TMPRSS11F: variants seen among roughly 807,000 people sequenced by gnomAD.
TMPRSS11F encodes the protein transmembrane serine protease 11F.
Under a neutral mutation model 60.2 loss-of-function variants are expected in TMPRSS11F, and 47 were observed. The observed-to-expected ratio is 0.78, with a 90% CI of 0.62 to 1.00. The LOEUF (loss-of-function observed/expected upper bound fraction) is 1.00, where lower values mean the gene tolerates loss of function less well. TMPRSS11F is among the 50% of genes least tolerant of loss of function. The pLI, the probability that TMPRSS11F is intolerant of heterozygous loss-of-function variation, is 0.00. For missense variants in TMPRSS11F, 519 were observed against 522.9 expected (o/e 0.99, Z 0.07); for synonymous variants, 166 against 167.3 (o/e 0.99, Z 0.06).
At position 68,059,471 on chromosome 4, in the gene TMPRSS11F, A is replaced by G; in HGVS notation, c.1016-3T>C. On this transcript the variant is annotated splice_region_variant and splice_polypyrimidine_tract_variant and intron_variant, in intron 8 of 9. Transcript: ENST00000356291. ...CCGAAGTGTATTTTGTATAGGTCCT[A>G]TTGCACAAATGGATAAAAAAACAAA... 6.2e-7 allele frequency: 1 copy of G among 1,610,802 alleles called. No individual in the cohort carries two copies. Among genetic ancestry groups the G allele is most frequent in the South Asian group, 1.1e-5 (1 of 90,572 alleles).
At chr4:68,116,700 C>A (rs972854476) in intron 1 of TMPRSS11F, among the ~76,000 whole-genome samples, 2 of 151,982 alleles carry the variant, frequency 1.3e-5, no homozygotes, top group Admixed American at 6.6e-5. Context: ...TGCATCTATG[C>A]CAACTGATAT....
chr4:68,060,234 G>A (rs6842920), intron 8 of TMPRSS11F, among the ~76,000 whole-genome samples: 1 of 151,014 alleles, frequency 6.6e-6, no homozygotes, highest in African/African-American at 2.4e-5. Context: ...TTGGCCAGGC[G>A]TGGTGGCTCA....
Position 68,064,762 on chromosome 4 carries a change from C to CTATATTTG in TMPRSS11F, c.937_938insCAAATATA (p.Cys313SerfsTer10). 1.5e-5 allele frequency: 24 copies of CTATATTTG among 1,614,130 alleles called. No homozygotes were observed. The highest frequency in any genetic ancestry group is 2.0e-5 in the Non-Finnish European group (24 of 1,180,022). On this transcript the variant is annotated frameshift_variant, in exon 8 of 10. Coordinates refer to ENST00000356291, the MANE Select transcript of TMPRSS11F (RefSeq NM_207407.2). LOFTEE classifies it high-confidence loss of function. ...CAACTTTATAGATGAGTCTGGGAGG[C>CTATATTTG]AAACTCTCTGGACTATATTTGAAAA...
intron 3 of TMPRSS11F, among the ~76,000 whole-genome samples, chr4:68,082,650 T>G (rs937169159): frequency 1.3e-5 from 2 of 152,222 alleles, no homozygotes; most frequent in Admixed American, 1.3e-4. Context: ...TCCAACCCCA[T>G]GAGGCCAGAA....
At chr4:68,098,843 G>A (rs1171108919) in intron 2 of TMPRSS11F, 44 bp downstream of exon 2, 5 of 1,539,000 alleles carry the variant, frequency 3.2e-6, no homozygotes, top group Admixed American at 2.1e-5. Flanking sequence ...AAGATACGAA[G>A]TCATGGAGTA....
chr4:68,105,058 T>G (rs1348340880), intron 1 of TMPRSS11F, among the ~76,000 whole-genome samples: 1 of 144,776 alleles, frequency 6.9e-6, no homozygotes, highest in Non-Finnish European at 1.5e-5. Context: ...GGTTTTTTTT[T>G]TTTTTTTTTT....
At chr4:68,114,914 C>A (rs1179023779) in intron 1 of TMPRSS11F, among the ~76,000 whole-genome samples, 1 of 136,856 alleles carries the variant, frequency 7.3e-6, no homozygotes, top group Non-Finnish European at 1.6e-5. Context: ...AAAACAGAAA[C>A]AAAAACACTC....
chr4:68,058,124 T>G (rs1478936572), intron 9 of TMPRSS11F, among the ~76,000 whole-genome samples: 1 of 152,114 alleles, frequency 6.6e-6, no homozygotes, highest in Non-Finnish European at 1.5e-5. Context: ...GTGCAAAGTT[T>G]CAGTGAGAAG....
chr4:68,080,474 T>C (rs574035407), intron 3 of TMPRSS11F: 2 of 152,404 alleles, frequency 1.3e-5, no homozygotes, highest in African/African-American at 4.8e-5. Context: ...ACACCTGCAC[T>C]TCTCCAGAGA....
In TMPRSS11F at chr4:68,058,899, G is replaced by A. The variant is rs1190320331; in HGVS notation, c.1158+427C>T. Among the ~76,000 whole-genome samples, 4 of 152,116 alleles carry A rather than the reference G, an allele frequency of 2.6e-5. No individual in the cohort carries two copies. The East Asian group carries it at 7.7e-4, about 29-fold the overall frequency. ...GACTCTAAGAGGAGGGTCTGAGGTGGCTGAAGAGTATAGAAGATCACTGGA... is the reference window on the plus strand; with the variant it reads ...GACTCTAAGAGGAGGGTCTGAGGTGACTGAAGAGTATAGAAGATCACTGGA... On this transcript the variant is annotated intron_variant, in intron 9 of 9. Coordinates refer to ENST00000356291, the MANE Select transcript of TMPRSS11F (RefSeq NM_207407.2).
intron 1 of TMPRSS11F, among the ~76,000 whole-genome samples, chr4:68,123,147 T>C (rs1413018603): frequency 1.3e-5 from 2 of 152,220 alleles, no homozygotes; most frequent in African/African-American, 4.8e-5. Flanking sequence ...TTCTAAAAGC[T>C]GCTGTCAGTA....
intron 3 of TMPRSS11F, among the ~76,000 whole-genome samples, chr4:68,074,717 T>C (rs1040056300): frequency 6.3e-5 from 9 of 142,970 alleles, no homozygotes; most frequent in Non-Finnish European, 1.4e-4. Flanking sequence ...GTCTAAGCCA[T>C]TGGAAATTTT....
rs983355059 is a variant in TMPRSS11F at position 68,098,968 on chromosome 4, C to T, written c.82G>A (p.Val28Ile). The T allele has an allele frequency of 6.2e-7, 1 of 1,613,302 alleles. No homozygotes were observed. Among genetic ancestry groups the T allele is most frequent in the Non-Finnish European group, 8.5e-7 (1 of 1,179,562 alleles). ...GCTAATGTGAAAAGAGCTAGCCGTA[C>T]TGAGTCCCAAAATTGCTGCTTTCTT... is the stretch of plus-strand genomic sequence containing the variant. The part of the protein sequence containing the change: ...YQRKQQFWDS[V>I]RLALFTLAIV... The change falls in exon 2 of 10, where the codon GTA (valine) becomes ATA (isoleucine). Residue 28 changes from valine to isoleucine, a missense_variant. Coordinates refer to ENST00000356291, the MANE Select transcript of TMPRSS11F (RefSeq NM_207407.2).
chr4:68,088,616 A>G (rs1723863181), intron 3 of TMPRSS11F, among the ~76,000 whole-genome samples: 1 of 152,138 alleles, frequency 6.6e-6, no homozygotes, highest in South Asian at 2.1e-4. Flanking sequence ...CACCACACCT[A>G]TTCCAAAATT....
chr4:68,063,326 C>A, intron 8 of TMPRSS11F: 1 of 492,508 alleles, frequency 2.0e-6, no homozygotes. Context: ...TTTCTTATTT[C>A]TCATTAAAAC....
At chr4:68,063,681 ATCTTTC>A (rs751901759) in intron 8 of TMPRSS11F, among the ~76,000 whole-genome samples, 6 of 152,088 alleles carry the variant, frequency 3.9e-5, no homozygotes, top group Non-Finnish European at 7.4e-5. Context: ...CGCTGGCCTA[ATCTTTC>A]TCTTTAACGT....
At chr4:68,086,405 C>T (rs138271686) in intron 3 of TMPRSS11F, among the ~76,000 whole-genome samples, 2 of 152,150 alleles carry the variant, frequency 1.3e-5, no homozygotes, top group East Asian at 3.9e-4. Flanking sequence ...TAGCACTAAA[C>T]AAATACACCA....
At chr4:68,081,839 C>G (rs1285260716) in intron 3 of TMPRSS11F, among the ~76,000 whole-genome samples, 1 of 152,158 alleles carries the variant, frequency 6.6e-6, no homozygotes, top group Non-Finnish European at 1.5e-5. Flanking sequence ...GACAGACAAT[C>G]TTCAACATTT....
chr4:68,059,515 T>A, intron 8 of TMPRSS11F, 47 bp from the exon 9 acceptor site: 3 of 1,572,992 alleles, frequency 1.9e-6, no homozygotes, highest in Non-Finnish European at 2.6e-6. Flanking sequence ...ATTCCTCAAA[T>A]ACAATTGTAT....
Sources: allele counts gnomAD v4.1 joint callset (sites outside exome capture counted in the v4.1 genomes callset), GRCh38; gene constraint gnomAD v4.1.1; transcripts MANE v1.5; gene names NCBI Gene and HGNC (gene_info 2026-07-23, HGNC 2026-07-21).